ERBB4: variants seen among roughly 807,000 people sequenced by gnomAD.
The protein encoded by ERBB4 is receptor tyrosine-protein kinase erbB-4.
ERBB4 carries 42 observed loss-of-function variants against 158.0 expected under a neutral mutation model. The ratio of observed to expected loss-of-function variants is 0.27; its 90% CI spans 0.21 to 0.34. ERBB4 has a LOEUF of 0.34. Ranked by LOEUF, ERBB4 falls within the 10% of genes least tolerant of loss-of-function variation. The pLI is 1.00. For missense variants in ERBB4, 1,333 were observed against 1,624.1 expected, an observed-to-expected ratio of 0.82 and a Z score of 3.08; for synonymous variants, 583 against 558.7, an observed-to-expected ratio of 1.04 and a Z score of -0.61.
intron 20 of ERBB4, among the ~76,000 whole-genome samples, chr2:211,461,251 T>C (rs1199639281): frequency 2.0e-5 from 3 of 152,114 alleles, no homozygotes; most frequent in Admixed American, 6.6e-5. Context: ...TCTTTAAAAA[T>C]GCCAAAAAAT....
intron 2 of ERBB4, among the ~76,000 whole-genome samples, chr2:212,010,110 G>T (rs2076349494): frequency 6.6e-6 from 1 of 152,114 alleles, no homozygotes; most frequent in South Asian, 2.1e-4. Context: ...ACCATGGATT[G>T]CCCAAGACAG....
intron 1 of ERBB4, among the ~76,000 whole-genome samples, chr2:212,217,932 G>A (rs1429462113): frequency 6.6e-6 from 1 of 151,184 alleles, no homozygotes; most frequent in African/African-American, 2.4e-5. Context: ...TAAATCTTAA[G>A]ACAGAATGTT....
intron 1 of ERBB4, among the ~76,000 whole-genome samples, chr2:212,502,346 C>G (rs1560496267): frequency 6.6e-6 from 1 of 152,114 alleles, no homozygotes; most frequent in Non-Finnish European, 1.5e-5. Flanking sequence ...AAAACTTGCC[C>G]TGTATTGTGC....
chr2:211,772,453 C>A (rs568382343), intron 4 of ERBB4, among the ~76,000 whole-genome samples: 1 of 151,740 alleles, frequency 6.6e-6, no homozygotes, highest in Admixed American at 6.6e-5. Context: ...TAGCTTTGAA[C>A]TGAATGAGAG....
At chr2:211,777,619 T>C (rs1258240464) in intron 4 of ERBB4, 1 of 152,160 alleles carries the variant, frequency 6.6e-6, no homozygotes, top group Non-Finnish European at 1.5e-5. Flanking sequence ...TGAATCATCA[T>C]CCAAGGATTT....
rs895459905 is a variant in ERBB4, at chr2:211,381,845, C to T, written c.*1770G>A. ...AACATTAGAAATATTTTTTAAAAATCTAAATGACTTGGGGTAGAATTTTCA... is the reference window on the plus strand; with the variant it reads ...AACATTAGAAATATTTTTTAAAAATTTAAATGACTTGGGGTAGAATTTTCA... On this transcript the variant is annotated 3_prime_UTR_variant, in exon 28 of 28. Transcript: ENST00000342788. 4.4e-6 allele frequency: 1 copy of T among 228,200 alleles called. No homozygotes were observed. Among genetic ancestry groups the T allele is most frequent in the African/African-American group, 2.2e-5 (1 of 45,044 alleles). The allele number at this position is 228,200 out of a possible 1,614,324, so 14.1% of individuals were successfully genotyped here. A position where few individuals can be genotyped will look rare whatever the true frequency, so the allele number is the denominator to read the frequency against.
intron 1 of ERBB4, among the ~76,000 whole-genome samples, chr2:212,185,021 C>CTTTTTTTTTTCT (rs754175490): frequency 4.5e-5 from 6 of 132,530 alleles, no homozygotes; most frequent in Non-Finnish European, 8.3e-5. Context: ...ACTTTTTTTT[C>CTTTTTTTTTTCT]TTTTTTTTTT....
chr2:211,477,528 G>A (rs1201255443), intron 20 of ERBB4, among the ~76,000 whole-genome samples: 2 of 152,128 alleles, frequency 1.3e-5, no homozygotes, highest in African/African-American at 4.8e-5. Flanking sequence ...AGAATGGAAA[G>A]GGGCTTCTGG....
chr2:211,464,971 CTTTTTT>C lies in ERBB4; in HGVS notation c.2488-33877_2488-33872del, dbSNP rs908796417. Among the ~76,000 whole-genome samples, 6 of 75,714 alleles carry C rather than the reference CTTTTTT, an allele frequency of 7.9e-5. No homozygotes were observed. The South Asian group carries it at 2.0e-3, about 26-fold the overall frequency. 49.7% of individuals were successfully genotyped at this position (75,714 alleles called of 152,430 possible). A position where few individuals can be genotyped will look rare whatever the true frequency, so the allele number is the denominator to read the frequency against. ...GCCCACTGGAGCTTACCTTGTTTTTCTTTTTTTTTTCTTTTTTTTTTTTTTGAGGCA... is the reference window on the plus strand; with the variant it reads ...GCCCACTGGAGCTTACCTTGTTTTTCTTTTCTTTTTTTTTTTTTTGAGGCA... On this transcript the variant is annotated intron_variant, in intron 20 of 27. Transcript: ENST00000342788.
intron 2 of ERBB4, among the ~76,000 whole-genome samples, chr2:211,948,129 A>G (rs1220699520): frequency 6.6e-6 from 1 of 152,100 alleles, no homozygotes; most frequent in Non-Finnish European, 1.5e-5. Context: ...AAACATAAAA[A>G]ACATGTATTA....
chr2:211,966,037 C>T (rs1335671300), intron 2 of ERBB4, among the ~76,000 whole-genome samples: 2 of 152,016 alleles, frequency 1.3e-5, no homozygotes, highest in African/African-American at 4.8e-5. Flanking sequence ...CTCAGGGAGA[C>T]CCTCTCTCTA....
intron 1 of ERBB4, among the ~76,000 whole-genome samples, chr2:212,489,627 A>G (rs1690164239): frequency 6.6e-6 from 1 of 151,814 alleles, no homozygotes; most frequent in South Asian, 2.1e-4. Flanking sequence ...ATTAACTCTA[A>G]CGTATGGTAT....
intron 1 of ERBB4, among the ~76,000 whole-genome samples, chr2:212,457,995 A>G (rs1335565185): frequency 6.6e-6 from 1 of 152,018 alleles, no homozygotes; most frequent in Non-Finnish European, 1.5e-5. Context: ...CAAAGTATTC[A>G]CCAAATAATG....
intron 16 of ERBB4, among the ~76,000 whole-genome samples, chr2:211,633,099 T>TTGAG (rs997110721): frequency 3.0e-4 from 45 of 152,232 alleles, no homozygotes; most frequent in African/African-American, 1.1e-3. Context: ...TTTTTATTAA[T>TTGAG]TGAGTATCAT....
chr2:211,928,323 G>T (rs2080074810), intron 3 of ERBB4, among the ~76,000 whole-genome samples: 1 of 151,710 alleles, frequency 6.6e-6, no homozygotes, highest in African/African-American at 2.4e-5. Flanking sequence ...CTCAGCAGAG[G>T]CATCAACCCA....
rs76376286 is a variant in ERBB4, at chr2:212,043,730, T to C, written c.234+81022A>G. Among the ~76,000 whole-genome samples, 1,337 of 152,206 alleles carry C rather than the reference T, an allele frequency of 8.8e-3. 16 individuals are homozygous for C. Among genetic ancestry groups the C allele is most frequent in the African/African-American group, 0.031 (1,275 of 41,558 alleles). ...GAATTAGAGAGTAAGAACCTGACCA[T>C]TGAATCAGGCCCTGCTCCAACACTT... On this transcript the variant is annotated intron_variant, in intron 2 of 27. Transcript: ENST00000342788.
chr2:212,425,403 T>TATATATGAAC (rs1307918320), intron 1 of ERBB4, among the ~76,000 whole-genome samples: 178 of 148,982 alleles, frequency 1.2e-3, no homozygotes, highest in Middle Eastern at 3.9e-3. Context: ...TATGTATACA[T>TATATATGAAC]ATATATGTAT....
chr2:211,704,242 T>C, intron 10 of ERBB4, 48 bp from the exon 11 acceptor site: 1 of 1,168,606 alleles, frequency 8.6e-7, no homozygotes. Context: ...ATTGTCTTAG[T>C]ATTAGTGCTG....
chr2:211,526,726 A>G (rs2066358210), intron 20 of ERBB4, among the ~76,000 whole-genome samples: 1 of 152,058 alleles, frequency 6.6e-6, no homozygotes, highest in Non-Finnish European at 1.5e-5. Context: ...ATTCTATCAG[A>G]TAACTTAAAC....
Sources: allele counts gnomAD v4.1 joint callset (sites outside exome capture counted in the v4.1 genomes callset), GRCh38; gene constraint gnomAD v4.1.1; transcripts MANE v1.5; gene names NCBI Gene and HGNC (gene_info 2026-07-23, HGNC 2026-07-21).